MAP3K9: variants seen among roughly 807,000 people sequenced by gnomAD.
MAP3K9 encodes the protein mitogen-activated protein kinase kinase kinase 9.
MAP3K9 carries 46 observed loss-of-function variants against 95.8 expected under a neutral mutation model. The observed-to-expected ratio is 0.48, with a 90% CI of 0.38 to 0.61. MAP3K9 has a LOEUF of 0.61. Among genes scored for constraint, MAP3K9 ranks in the 20% least tolerant of loss-of-function variants. MAP3K9 has a pLI of 0.00. For synonymous variants in MAP3K9, 533 were observed against 593.8 expected (o/e 0.90, Z 1.49); for missense variants, 1,296 against 1,474.3 (o/e 0.88, Z 1.98).
At chr14:70,748,239 T>C (rs1346777580) in intron 5 of MAP3K9, among the ~76,000 whole-genome samples, 1 of 152,176 alleles carries the variant, frequency 6.6e-6, no homozygotes, top group Non-Finnish European at 1.5e-5. Context: ...TTCACCTGTG[T>C]GTACACTGAC....
chr14:70,760,380 A>G (rs2054356886), intron 3 of MAP3K9, among the ~76,000 whole-genome samples: 1 of 152,204 alleles, frequency 6.6e-6, no homozygotes, highest in African/African-American at 2.4e-5. Context: ...ATTTACTAGG[A>G]GGATGGCTGG....
chr14:70,759,448 AT>A (rs2054340610), intron 3 of MAP3K9, among the ~76,000 whole-genome samples: 1 of 152,188 alleles, frequency 6.6e-6, no homozygotes, highest in Admixed American at 6.5e-5. Context: ...TCTCAAAAAA[AT>A]AAATAAATAA....
Position 70,749,984 on chromosome 14 carries a change from C to CG in MAP3K9, c.1098dup (p.Ala367ArgfsTer23), listed in dbSNP as rs1156271993. ...GGGCACGTAGAAGGAATAGGAAGGG[C>CG]GAGTTTGTTCATGGCCACTCCATAA... On this transcript the variant is annotated frameshift_variant, in exon 4 of 12. Transcript: ENST00000554752. LOFTEE classifies it high-confidence loss of function. 1 of 1,614,054 alleles carries CG rather than the reference C, an allele frequency of 6.2e-7. No homozygotes were observed. The highest frequency in any genetic ancestry group is 8.5e-7 in the Non-Finnish European group (1 of 1,180,044).
intron 5 of MAP3K9, among the ~76,000 whole-genome samples, chr14:70,744,972 A>G (rs1217561856): frequency 6.6e-6 from 1 of 152,188 alleles, no homozygotes; most frequent in African/African-American, 2.4e-5. Flanking sequence ...TGAGTTCACA[A>G]GTGAGCCCAG....
At chr14:70,789,668 C>T (rs1566763563) in intron 2 of MAP3K9, among the ~76,000 whole-genome samples, 1 of 152,192 alleles carries the variant, frequency 6.6e-6, no homozygotes, top group African/African-American at 2.4e-5. Flanking sequence ...TTCCATTAGA[C>T]CACGGTGGTT....
At chr14:70,748,646 G>A (rs1159565308) in intron 5 of MAP3K9, among the ~76,000 whole-genome samples, 183 bp downstream of exon 5, 3 of 152,168 alleles carry the variant, frequency 2.0e-5, no homozygotes, top group Non-Finnish European at 2.9e-5. Context: ...CTGGGATTTT[G>A]CCCAACTGCA....
At position 70,809,056 on chromosome 14, in the gene MAP3K9, G is replaced by GCCTCCTCCT. The variant is rs397840789; in HGVS notation, c.107_115dup (p.Glu36_Glu38dup). 6.3e-6 allele frequency: 9 copies of GCCTCCTCCT among 1,422,856 alleles called. No individual in the cohort carries two copies. Among genetic ancestry groups the GCCTCCTCCT allele is most frequent in the East Asian group, 2.9e-5 (1 of 34,706 alleles). The allele number at this position is 1,422,856 out of a possible 1,614,324, so 88.1% of individuals were successfully genotyped here. On this transcript the variant is annotated inframe_insertion, in exon 1 of 12. Transcript: ENST00000554752. Reference sequence around the variant, plus strand: ...CTCCCCGGGGCCCACCGCCGCCGCCGCCTCCTCCTCCTCCTCCTCCTCCTC... The same window carrying GCCTCCTCCT: ...CTCCCCGGGGCCCACCGCCGCCGCCGCCTCCTCCTCCTCCTCCTCCTCCTCCTCCTCCTC...
Position 70,730,547 on chromosome 14 carries a change from G to C in MAP3K9, c.3148C>G (p.Pro1050Ala). The change falls in exon 12 of 12, where the codon CCA (proline) becomes GCA (alanine). Residue 1050 changes from proline to alanine, a missense_variant. Pro to Ala is a conservative substitution (Grantham distance 27). Transcript: ENST00000554752. Reference sequence around the variant, plus strand: ...CCTGCCTGGAACGGGAGCAGGGCTGGAAGTCCAGGCCGCTCCTCTACAGTG... The same window carrying C: ...CCTGCCTGGAACGGGAGCAGGGCTGCAAGTCCAGGCCGCTCCTCTACAGTG... ...SSTVEERPGL[P>A]ALLPFQAGPL... The C allele has an allele frequency of 6.2e-7, 1 of 1,613,988 alleles. No homozygotes were observed. Among genetic ancestry groups the C allele is most frequent in the Non-Finnish European group, 8.5e-7 (1 of 1,180,036 alleles).
At position 70,738,436 on chromosome 14, in the gene MAP3K9, G is replaced by T. The variant is rs2054017036; in HGVS notation, c.1691-38C>A. 3 of 1,600,968 alleles carry T rather than the reference G, an allele frequency of 1.9e-6. No homozygotes were observed. The South Asian group carries it at 3.4e-5, about 18-fold the overall frequency. On this transcript the variant is annotated intron_variant, in intron 7 of 11. Coordinates refer to ENST00000554752, the MANE Select transcript of MAP3K9 (RefSeq NM_001284230.2). ...AGGGTTGGATAGGATCTAGAAAATG[G>T]ACAGACAGGGCTCCCCCAAACTAGC... is the stretch of plus-strand genomic sequence containing the variant.
intron 8 of MAP3K9, among the ~76,000 whole-genome samples, chr14:70,737,322 G>A (rs2053999389): frequency 6.6e-6 from 1 of 152,168 alleles, no homozygotes; most frequent in South Asian, 2.1e-4. Flanking sequence ...TCCATGAGAT[G>A]GGTACTAATG....
chr14:70,797,438 T>C (rs542992855), intron 2 of MAP3K9, among the ~76,000 whole-genome samples: 7 of 151,148 alleles, frequency 4.6e-5, no homozygotes, highest in Non-Finnish European at 7.4e-5. Context: ...ATAATAATAA[T>C]AAAATTTTTT....
intron 2 of MAP3K9, among the ~76,000 whole-genome samples, chr14:70,783,604 A>T (rs1566760476): frequency 6.6e-6 from 1 of 152,250 alleles, no homozygotes; most frequent in Non-Finnish European, 1.5e-5. Context: ...TTCCACCAGC[A>T]ATCAATCCAA....
intron 2 of MAP3K9, among the ~76,000 whole-genome samples, chr14:70,778,025 T>C (rs777866235): frequency 3.3e-5 from 5 of 152,154 alleles, no homozygotes; most frequent in African/African-American, 1.2e-4. Flanking sequence ...GAGGGATAAA[T>C]AGATGATCCT....
At chr14:70,800,471 G>A (rs138412251) in intron 2 of MAP3K9, among the ~76,000 whole-genome samples, 196 bp downstream of exon 2, 13 of 151,566 alleles carry the variant, frequency 8.6e-5, no homozygotes, top group Admixed American at 3.3e-4. Flanking sequence ...CTCCTCAGGC[G>A]CCTCTTTCCT....
At chr14:70,736,108 G>A (rs946989627) in intron 8 of MAP3K9, 79 bp from the exon 9 acceptor site, 21 of 925,860 alleles carry the variant, frequency 2.3e-5, no homozygotes, top group Non-Finnish European at 3.6e-5. Context: ...AAACACCCAA[G>A]GCTGGATTCA....
chr14:70,790,302 A>G (rs1027446365), intron 2 of MAP3K9, among the ~76,000 whole-genome samples: 2 of 152,246 alleles, frequency 1.3e-5, no homozygotes, highest in African/African-American at 4.8e-5. Flanking sequence ...ACCTGAGCAC[A>G]TAGCAGCCTG....
intron 2 of MAP3K9, chr14:70,783,355 C>A (rs2139830438): frequency 1.0e-6 from 1 of 985,182 alleles, no homozygotes. Flanking sequence ...TGATCCACAG[C>A]AACGCTTCCT....
intron 3 of MAP3K9, chr14:70,753,002 G>A (rs1363073223): frequency 1.3e-5 from 2 of 152,242 alleles, no homozygotes; most frequent in African/African-American, 4.8e-5. Context: ...TAAAAGGAAT[G>A]TGAGAACTAC....
chr14:70,730,022 G>A lies in MAP3K9; in HGVS notation c.*358C>T, dbSNP rs77310849. The A allele has an allele frequency of 7.6e-3, 1,916 of 252,578 alleles. 50 individuals carry two copies. Among genetic ancestry groups the A allele is most frequent in the African/African-American group, 0.04 (1,801 of 45,278 alleles). The allele number at this position is 252,578 out of a possible 1,614,324, so 15.6% of individuals were successfully genotyped here. On this transcript the variant is annotated 3_prime_UTR_variant, in exon 12 of 12. Coordinates refer to ENST00000554752, the MANE Select transcript of MAP3K9 (RefSeq NM_001284230.2). ...CAAAGGGACCCTATGACAGCTCTGC[G>A]CACACCCAACTGGCTGAGGAGAGGG... is the stretch of plus-strand genomic sequence containing the variant.
Sources: allele counts gnomAD v4.1 joint callset (sites outside exome capture counted in the v4.1 genomes callset), GRCh38; gene constraint gnomAD v4.1.1; transcripts MANE v1.5; gene names NCBI Gene and HGNC (gene_info 2026-07-23, HGNC 2026-07-21).